Variants in OTOF observed in about 807,000 individuals in gnomAD.
OTOF encodes the protein otoferlin, also known as fer-1-like family member 2.
OTOF carries 218 observed loss-of-function variants against 236.8 expected under a neutral mutation model. That is an observed-to-expected ratio of 0.92 (90% confidence interval 0.82 to 1.03). The LOEUF is 1.03. OTOF is among the 50% of genes least tolerant of loss of function. The pLI, the probability that OTOF is intolerant of heterozygous loss-of-function variation, is 0.00. For synonymous variants in OTOF, 1,041 were observed against 1,072.5 expected, an observed-to-expected ratio of 0.97 and a Z score of 0.57; for missense variants, 2,590 against 2,694.4, an observed-to-expected ratio of 0.96 and a Z score of 0.86.
rs1664790479 is a variant in OTOF, at chr2:26,467,519, A to C, written c.4091-18T>G. The C allele has an allele frequency of 6.2e-7, 1 of 1,612,294 alleles. No homozygotes were observed. Among genetic ancestry groups the C allele is most frequent in the East Asian group, 2.2e-5 (1 of 44,844 alleles). ...CTTCAGGCCTGGCCAGAAGCAGAAA[A>C]GGAGGTGGAGCAGAAATGAGCAGAG... On this transcript the variant is annotated intron_variant, in intron 33 of 46. Coordinates refer to ENST00000272371, the MANE Select transcript of OTOF (RefSeq NM_194248.3).
chr2:26,527,740 C>T (rs1666842939), intron 3 of OTOF, 92 bp downstream of exon 3: 3 of 958,978 alleles, frequency 3.1e-6, no homozygotes, highest in African/African-American at 3.2e-5. Context: ...TGTAGGTCCC[C>T]TTTTTAAGCC....
chr2:26,556,802 G>A (rs903509193), intron 1 of OTOF, among the ~76,000 whole-genome samples: 14 of 152,298 alleles, frequency 9.2e-5, no homozygotes, highest in African/African-American at 2.9e-4. Context: ...GGGCCTGTCC[G>A]GTGCAGCCTG....
chr2:26,524,193 C>T (rs1666746297), intron 3 of OTOF, among the ~76,000 whole-genome samples: 1 of 152,254 alleles, frequency 6.6e-6, no homozygotes, highest in African/African-American at 2.4e-5. Flanking sequence ...TTTCTGTCTT[C>T]CTTCTTATTG....
chr2:26,468,096 A>G (rs765783261), intron 33 of OTOF, among the ~76,000 whole-genome samples: 2 of 152,146 alleles, frequency 1.3e-5, no homozygotes, highest in Admixed American at 6.5e-5. Context: ...ACATCCATCA[A>G]TTTTCTTCAT....
At chr2:26,529,656 C>A (rs1666892856) in intron 2 of OTOF, among the ~76,000 whole-genome samples, 1 of 152,188 alleles carries the variant, frequency 6.6e-6, no homozygotes, top group African/African-American at 2.4e-5. Context: ...ACTGGGCCAG[C>A]ACCGCGGGTC....
At chr2:26,525,171 G>A (rs1463006534) in intron 3 of OTOF, among the ~76,000 whole-genome samples, 1 of 152,226 alleles carries the variant, frequency 6.6e-6, no homozygotes, top group Non-Finnish European at 1.5e-5. Flanking sequence ...GATGCCATGA[G>A]AGGCAAAGGG....
Position 26,474,645 on chromosome 2 carries a change from G to A in OTOF, c.3156C>T (p.Phe1052=), listed in dbSNP as rs397517942. 68 of 1,613,220 alleles carry A rather than the reference G, an allele frequency of 4.2e-5. No individual in the cohort carries two copies. Among genetic ancestry groups the A allele is most frequent in the East Asian group, 1.1e-4 (5 of 44,892 alleles). Residue 1052 remains phenylalanine (F), a synonymous_variant, in exon 26 of 47, where the codon TTC becomes TTT. Coordinates refer to ENST00000272371, the MANE Select transcript of OTOF (RefSeq NM_194248.3). ...MGKADFMGRT[F]AKPLVKMADE... The stretch of plus-strand genomic sequence containing the variant: ...CTGCCATCTTCACCAGGGGTTTGGC[G>A]AAGGTCCGGCCCATGAAGTCAGCTT...
chr2:26,511,968 C>A (rs1261185613), intron 5 of OTOF, among the ~76,000 whole-genome samples: 1 of 152,188 alleles, frequency 6.6e-6, no homozygotes, highest in African/African-American at 2.4e-5. Context: ...TGTCTCAGAG[C>A]CCCACCATGC....
At chr2:26,501,843 T>G in intron 7 of OTOF, 35 bp from the exon 8 acceptor site, 6 of 1,539,560 alleles carry the variant, frequency 3.9e-6, no homozygotes, top group Non-Finnish European at 5.4e-6. Flanking sequence ...GCCTGGGGTA[T>G]GGGGACTGCT....
At chr2:26,523,912 C>T (rs941863677) in intron 3 of OTOF, among the ~76,000 whole-genome samples, 1 of 152,248 alleles carries the variant, frequency 6.6e-6, no homozygotes, top group Non-Finnish European at 1.5e-5. Context: ...GATGGGGAGA[C>T]TTGAGTCTCA....
chr2:26,466,682 C>T (rs1291102725), intron 36 of OTOF, 32 bp downstream of exon 36: 3 of 1,613,764 alleles, frequency 1.9e-6, no homozygotes, highest in South Asian at 1.1e-5. Flanking sequence ...GATGAGGAGA[C>T]TTGCAAGGAG....
intron 5 of OTOF, among the ~76,000 whole-genome samples, chr2:26,509,344 A>G (rs908183229): frequency 6.6e-6 from 1 of 152,196 alleles, no homozygotes; most frequent in Non-Finnish European, 1.5e-5. Context: ...GAGCCTTGAC[A>G]CATGCTCTGC....
chr2:26,546,792 T>C (rs1667345009), intron 1 of OTOF, among the ~76,000 whole-genome samples: 1 of 151,942 alleles, frequency 6.6e-6, no homozygotes, highest in South Asian at 2.1e-4. Flanking sequence ...TGTTGTTTTG[T>C]TTTTAGGGTG....
rs1249983282 is a variant in OTOF, at chr2:26,461,082, G to A, written c.5534-52C>T. On this transcript the variant is annotated intron_variant, in intron 43 of 46. Coordinates refer to ENST00000272371, the MANE Select transcript of OTOF (RefSeq NM_194248.3). The surrounding 1 kb of genome is among the most constrained non-coding windows in gnomAD (Gnocchi z 6.2). ...AGTGAACAGGGCTGGGGTGGGGCGGGGTGGGGGTGGGGGTCTGGGCTCCTC... is the reference window on the plus strand; with the variant it reads ...AGTGAACAGGGCTGGGGTGGGGCGGAGTGGGGGTGGGGGTCTGGGCTCCTC... 6.3e-6 allele frequency: 7 copies of A among 1,110,506 alleles called. No homozygotes were observed. In the Admixed American group the frequency reaches 7.7e-5, roughly 12 times the overall value. 68.8% of individuals were successfully genotyped at this position (1,110,506 alleles called of 1,614,324 possible).
intron 33 of OTOF, 49 bp from the exon 34 acceptor site, chr2:26,467,550 AG>A: frequency 6.3e-7 from 1 of 1,596,854 alleles, no homozygotes; most frequent in Non-Finnish European, 8.5e-7. Context: ...CAGAGCAGGA[AG>A]GCCTGGATTC....
intron 1 of OTOF, among the ~76,000 whole-genome samples, chr2:26,556,545 A>T (rs560988205): frequency 6.6e-6 from 1 of 152,148 alleles, no homozygotes; most frequent in Non-Finnish European, 1.5e-5. Flanking sequence ...TCCAGAGAGC[A>T]AGGGTTGCAA....
chr2:26,480,224 T>C lies in OTOF; in HGVS notation c.1891A>G (p.Ile631Val). 1.2e-6 allele frequency: 2 copies of C among 1,611,680 alleles called. No homozygotes were observed. Among genetic ancestry groups the C allele is most frequent in the Non-Finnish European group, 1.7e-6 (2 of 1,178,366 alleles). Reference protein sequence around the residue: ...MIDRRNGDKPITFEVTIGNYG... With the variant: ...MIDRRNGDKPVTFEVTIGNYG... ...TCACCTATGGTGACCTCAAAGGTGA[T>C]GGGCTTGTCTCCGTTTCTCCGGTCG... The change falls in exon 16 of 47, where the codon ATC (isoleucine) becomes GTC (valine). Residue 631 changes from isoleucine (I) to valine (V), a missense_variant. Ile to Val is a conservative substitution (Grantham distance 29). Transcript: ENST00000272371.
Position 26,489,239 on chromosome 2 carries a change from C to T in OTOF, c.1017G>A (p.Met339Ile). 6.2e-7 allele frequency: 1 copy of T among 1,612,964 alleles called. No individual in the cohort carries two copies. Among genetic ancestry groups the T allele is most frequent in the Non-Finnish European group, 8.5e-7 (1 of 1,179,752 alleles). Reference sequence around the variant, plus strand: ...GCTGCGAGTACACGGTTCCCACGTCCATTTTGAAGGAGCCCACCAGGGTGC... The same window carrying T: ...GCTGCGAGTACACGGTTCCCACGTCTATTTTGAAGGAGCCCACCAGGGTGC... The part of the protein sequence containing the change: ...RSGTLVGSFK[M>I]DVGTVYSQPE... The change falls in exon 11 of 47, where the codon ATG (methionine) becomes ATA (isoleucine). Residue 339 changes from methionine to isoleucine, a missense_variant. Physicochemically the swap from Met to Ile is conservative, Grantham distance 10. Coordinates refer to ENST00000272371, the MANE Select transcript of OTOF (RefSeq NM_194248.3).
At chr2:26,532,482 C>T (rs1572484124) in intron 2 of OTOF, among the ~76,000 whole-genome samples, 2 of 152,224 alleles carry the variant, frequency 1.3e-5, no homozygotes, top group East Asian at 3.8e-4. Flanking sequence ...TTGCTGAGCA[C>T]TTGCTGTGTG....
Sources: allele counts gnomAD v4.1 joint callset (sites outside exome capture counted in the v4.1 genomes callset), GRCh38; gene constraint gnomAD v4.1.1; non-coding constraint Gnocchi (gnomAD v3.1); transcripts MANE v1.5; gene names NCBI Gene and HGNC (gene_info 2026-07-23, HGNC 2026-07-21).